Variants in HDAC9 observed in about 807,000 individuals in gnomAD.
HDAC9 encodes the protein MEF-2 interacting transcription repressor (MITR) protein.
A neutral mutation model predicts 139.4 loss-of-function variants in HDAC9; 41 were observed. That is an observed-to-expected ratio of 0.29 (90% CI 0.23 to 0.38). HDAC9 has a LOEUF of 0.38. HDAC9 is among the 10% of genes least tolerant of loss of function. The pLI is 1.00. For synonymous variants in HDAC9, 517 were observed against 476.2 expected, an observed-to-expected ratio of 1.09 and a Z score of -1.12; for missense variants, 1,147 against 1,297.0, an observed-to-expected ratio of 0.88 and a Z score of 1.78.
intron 2 of HDAC9, among the ~76,000 whole-genome samples, chr7:18,563,107 T>A (rs1821118098): frequency 6.6e-6 from 1 of 152,182 alleles, no homozygotes; most frequent in South Asian, 2.1e-4. Flanking sequence ...AAAACTTTTG[T>A]GATGGCTAAG....
At chr7:18,273,020 C>T (rs1347290945) in intron 2 of HDAC9, among the ~76,000 whole-genome samples, 2 of 144,034 alleles carry the variant, frequency 1.4e-5, no homozygotes, top group African/African-American at 5.4e-5. Flanking sequence ...CTTCCTCCTC[C>T]TCCTCCTCTT....
At chr7:18,836,258 A>T (rs908917602) in intron 21 of HDAC9, among the ~76,000 whole-genome samples, 2 of 152,156 alleles carry the variant, frequency 1.3e-5, no homozygotes, top group Admixed American at 1.3e-4. Context: ...TCTCTGGAAA[A>T]TTCTGCCTAT....
chr7:18,852,006 G>C (rs1269943012), intron 21 of HDAC9, among the ~76,000 whole-genome samples: 1 of 152,218 alleles, frequency 6.6e-6, no homozygotes, highest in Non-Finnish European at 1.5e-5. Context: ...TTGGAAACTT[G>C]TCTTTAGAGA....
At chr7:18,912,290 C>T (rs965123962) in intron 22 of HDAC9, among the ~76,000 whole-genome samples, 1 of 151,936 alleles carries the variant, frequency 6.6e-6, no homozygotes, top group Admixed American at 6.6e-5. Context: ...GTTCACTTTT[C>T]TCAGCTGTGA....
intron 1 of HDAC9, among the ~76,000 whole-genome samples, chr7:18,452,825 C>T (rs1423686415): frequency 6.6e-6 from 1 of 152,122 alleles, no homozygotes; most frequent in African/African-American, 2.4e-5. Context: ...TGAGGCCTCC[C>T]CATCCATGTG....
At chr7:18,864,237 A>T (rs1056528812) in intron 21 of HDAC9, among the ~76,000 whole-genome samples, 2 of 152,222 alleles carry the variant, frequency 1.3e-5, no homozygotes, top group African/African-American at 4.8e-5. Context: ...AACAACATGG[A>T]TGAACCCAGA....
At position 18,328,980 on chromosome 7, in the gene HDAC9, C is replaced by T. The variant is rs150938059; in HGVS notation, c.-42+38465C>T. On this transcript the variant is annotated intron_variant, in intron 1 of 3. Transcript: ENST00000413509. ...AAATATTTTATTACTGAATCAGTCT[C>T]CTTACTCATTATTGATCTGTTCAGA... is the stretch of plus-strand genomic sequence containing the variant. Among the ~76,000 whole-genome samples the T allele has an allele frequency of 7.9e-5, 12 of 151,850 alleles. 1 individual carries two copies. Among genetic ancestry groups the T allele is most frequent in the African/African-American group, 2.9e-4 (12 of 41,482 alleles).
chr7:18,191,645 C>G (rs1790358518), intron 2 of HDAC9, among the ~76,000 whole-genome samples: 1 of 152,128 alleles, frequency 6.6e-6, no homozygotes, highest in African/African-American at 2.4e-5. Flanking sequence ...AAAAATGTGG[C>G]TTGCCAAGTT....
At chr7:18,843,090 T>C (rs1350043018) in intron 21 of HDAC9, among the ~76,000 whole-genome samples, 1 of 152,080 alleles carries the variant, frequency 6.6e-6, no homozygotes, top group Non-Finnish European at 1.5e-5. Flanking sequence ...AAGCCAAAAA[T>C]TTTCTGGAAT....
intron 1 of HDAC9, among the ~76,000 whole-genome samples, chr7:18,331,397 T>C (rs943912713): frequency 2.0e-5 from 3 of 151,692 alleles, no homozygotes; most frequent in African/African-American, 7.3e-5. Context: ...TTTCAGGAAA[T>C]ACATATTTTC....
At chr7:18,453,073 A>G (rs774097780) in intron 1 of HDAC9, among the ~76,000 whole-genome samples, 26 of 152,296 alleles carry the variant, frequency 1.7e-4, no homozygotes, top group Middle Eastern at 3.4e-3. Context: ...ATTATAAAGT[A>G]TTCATTGAAT....
intron 2 of HDAC9, among the ~76,000 whole-genome samples, chr7:18,511,004 A>AG (rs1401669649): frequency 6.6e-6 from 1 of 152,228 alleles, no homozygotes; most frequent in East Asian, 1.9e-4. Context: ...GAAAGGAGTT[A>AG]GATAATAAAA....
intron 1 of HDAC9, among the ~76,000 whole-genome samples, chr7:18,397,555 C>G (rs1047323075): frequency 6.6e-6 from 1 of 152,086 alleles, no homozygotes; most frequent in African/African-American, 2.4e-5. Context: ...TTCCCATCCT[C>G]CCAGTGTTAG....
chr7:18,350,759 A>G (rs1454684953), intron 1 of HDAC9, among the ~76,000 whole-genome samples: 1 of 152,222 alleles, frequency 6.6e-6, no homozygotes, highest in East Asian at 1.9e-4. Context: ...CAGAGGGAAT[A>G]TGATTTATGT....
chr7:18,882,885 G>A lies in HDAC9; in HGVS notation c.2803+8289G>A, dbSNP rs192246149. On this transcript the variant is annotated intron_variant, in intron 22 of 25. Transcript: ENST00000686413. ...TCCTGTTTGAAGAAAATGGAAGGAG[G>A]ATGGGCAGACATCTTTGGAAGCAAT... Among the ~76,000 whole-genome samples the A allele has an allele frequency of 3.3e-3, 504 of 152,148 alleles. 2 individuals carry two copies. Among genetic ancestry groups the A allele is most frequent in the African/African-American group, 0.012 (484 of 41,542 alleles).
At position 18,866,578 on chromosome 7, in the gene HDAC9, T is replaced by C. The variant is rs534257622; in HGVS notation, c.2685-7900T>C. Among the ~76,000 whole-genome samples, 3 of 152,320 alleles carry C rather than the reference T, an allele frequency of 2.0e-5. No individual in the cohort carries two copies. In the South Asian group the frequency reaches 6.2e-4, roughly 32 times the overall value. On this transcript the variant is annotated intron_variant, in intron 21 of 25. Coordinates refer to ENST00000686413, the MANE Select transcript of HDAC9 (RefSeq NM_178425.4). ...TTTTTGAAGGCAGAGTTACAACATA[T>C]TTGCATTTTTGAATCCCAGCACCAT...
chr7:18,631,113 C>G (rs1039353940), intron 7 of HDAC9, among the ~76,000 whole-genome samples: 1 of 152,042 alleles, frequency 6.6e-6, no homozygotes, highest in African/African-American at 2.4e-5. Flanking sequence ...TACCAAATTG[C>G]AGTGGCATTT....
intron 12 of HDAC9, among the ~76,000 whole-genome samples, chr7:18,695,162 G>A (rs1315528700): frequency 2.0e-5 from 3 of 152,148 alleles, no homozygotes; most frequent in Non-Finnish European, 4.4e-5. Context: ...CATCTGAACA[G>A]GTGTGCCTTA....
At chr7:18,165,585 G>A (rs759921842) in intron 2 of HDAC9, among the ~76,000 whole-genome samples, 3 of 151,976 alleles carry the variant, frequency 2.0e-5, no homozygotes, top group Non-Finnish European at 2.9e-5. Context: ...CCCGGGGTTC[G>A]AGACTAGCCT....
Sources: gnomAD v4.1 joint callset for allele counts (sites outside exome capture counted in the v4.1 genomes callset) on GRCh38, gnomAD v4.1.1 for gene constraint, MANE v1.5 for transcripts, NCBI Gene and HGNC (gene_info 2026-07-23, HGNC 2026-07-21) for gene names.